DLG2: variants seen among roughly 807,000 people sequenced by gnomAD.
DLG2 encodes discs large MAGUK scaffold protein 2, also known as disks large homolog 2.
A neutral mutation model predicts 132.5 loss-of-function variants in DLG2; 45 were observed. That is an observed-to-expected ratio of 0.34 (90% CI 0.27 to 0.44). The LOEUF (loss-of-function observed/expected upper bound fraction) is 0.44. DLG2 is among the 20% of genes least tolerant of loss of function. DLG2 has a pLI of 1.00. For missense variants in DLG2, 1,045 were observed against 1,196.9 expected, an observed-to-expected ratio of 0.87 and a Z score of 1.87; for synonymous variants, 424 against 419.6, an observed-to-expected ratio of 1.01 and a Z score of -0.13.
At chr11:83,864,082 GAA>G (rs1382683191) in intron 16 of DLG2, among the ~76,000 whole-genome samples, 1 of 152,086 alleles carries the variant, frequency 6.6e-6, no homozygotes, top group East Asian at 1.9e-4. Flanking sequence ...GTGCTTAGGA[GAA>G]AAAAATTCCC....
intron 22 of DLG2, among the ~76,000 whole-genome samples, chr11:83,481,047 A>C (rs2093061440): frequency 6.6e-6 from 1 of 152,148 alleles, no homozygotes; most frequent in Non-Finnish European, 1.5e-5. Context: ...GAATCAGCTC[A>C]ATAGTTCCTT....
chr11:84,736,037 A>T (rs2063787493), intron 6 of DLG2, among the ~76,000 whole-genome samples: 1 of 152,080 alleles, frequency 6.6e-6, no homozygotes, highest in African/African-American at 2.4e-5. Context: ...GTAGTTTTAC[A>T]TTTTGAGCAA....
chr11:83,904,612 GC>G (rs2074267502), intron 15 of DLG2, among the ~76,000 whole-genome samples: 1 of 152,020 alleles, frequency 6.6e-6, no homozygotes, highest in South Asian at 2.1e-4. Context: ...ATAGTATACA[GC>G]CTTGAAAGAT....
chr11:84,273,193 G>A (rs767948001), intron 7 of DLG2: 61 of 1,570,174 alleles, frequency 3.9e-5, no homozygotes, highest in Middle Eastern at 1.7e-4. Flanking sequence ...ATTGTTTTAA[G>A]GAAGCAATAG....
intron 3 of DLG2, among the ~76,000 whole-genome samples, chr11:85,504,552 G>A (rs1344904040): frequency 2.0e-5 from 3 of 152,232 alleles, no homozygotes; most frequent in South Asian, 4.1e-4. Context: ...TGAGGACTCT[G>A]TTCTGTTCCA....
intron 19 of DLG2, among the ~76,000 whole-genome samples, chr11:83,555,858 A>G (rs749482909): frequency 4.6e-5 from 7 of 152,200 alleles, no homozygotes; most frequent in Non-Finnish European, 8.8e-5. Flanking sequence ...GACATCTCTA[A>G]ACCTGTTTCC....
At chr11:84,775,413 C>T (rs1354735649) in intron 6 of DLG2, among the ~76,000 whole-genome samples, 1 of 152,090 alleles carries the variant, frequency 6.6e-6, no homozygotes, top group African/African-American at 2.4e-5. Context: ...ACCCAGCAGT[C>T]GCATTAGTGG....
chr11:85,605,343 GA>G (rs545854785), intron 2 of DLG2, among the ~76,000 whole-genome samples: 49 of 138,712 alleles, frequency 3.5e-4, no homozygotes, highest in Non-Finnish European at 5.7e-4. Context: ...TATTTTTATG[GA>G]AAAAATAAAA....
rs980520716 is a variant in DLG2 at position 85,291,228 on chromosome 11, C to T, written c.41-5863G>A. On this transcript the variant is annotated intron_variant, in intron 3 of 27. Transcript: ENST00000376104. ...AAAATACGATTCTTAAATCATGAGG[C>T]TTTTTTCTTGTGTGACTCATGAGTT... Among the ~76,000 whole-genome samples, 3 of 152,198 alleles carry T rather than the reference C, an allele frequency of 2.0e-5. No individual in the cohort carries two copies. The East Asian group carries it at 5.8e-4, about 29-fold the overall frequency.
intron 6 of DLG2, among the ~76,000 whole-genome samples, chr11:84,799,171 C>T (rs927942042): frequency 2.0e-5 from 3 of 152,170 alleles, no homozygotes; most frequent in African/African-American, 7.2e-5. Context: ...GACTGCCTTT[C>T]AAGTTCATTT....
At chr11:84,154,430 C>T (rs6592167) in intron 9 of DLG2, among the ~76,000 whole-genome samples, 1 of 152,134 alleles carries the variant, frequency 6.6e-6, no homozygotes, top group Non-Finnish European at 1.5e-5. Context: ...TGCCAATACT[C>T]ACACCTGCTG....
At chr11:84,214,276 T>C (rs1469252913) in intron 8 of DLG2, among the ~76,000 whole-genome samples, 1 of 147,014 alleles carries the variant, frequency 6.8e-6, no homozygotes, top group Non-Finnish European at 1.5e-5. Context: ...TATATACACA[T>C]ATATGAATAT....
chr11:83,789,240 C>G (rs112041520), intron 17 of DLG2, among the ~76,000 whole-genome samples: 5 of 152,030 alleles, frequency 3.3e-5, no homozygotes, highest in Admixed American at 1.3e-4. Context: ...TCAGTGTATA[C>G]GTAAATTCTG....
At chr11:84,641,934 C>G (rs1261579338) in intron 6 of DLG2, among the ~76,000 whole-genome samples, 2 of 151,112 alleles carry the variant, frequency 1.3e-5, no homozygotes, top group South Asian at 2.1e-4. Flanking sequence ...TATACACACA[C>G]ACACATACAC....
intron 16 of DLG2, among the ~76,000 whole-genome samples, chr11:83,845,436 T>A (rs2058431171): frequency 6.6e-6 from 1 of 152,222 alleles, no homozygotes; most frequent in Non-Finnish European, 1.5e-5. Context: ...GTGTGCCTCA[T>A]ATTTAAATAG....
At chr11:85,195,785 C>A (rs2081019328) in intron 4 of DLG2, among the ~76,000 whole-genome samples, 1 of 152,086 alleles carries the variant, frequency 6.6e-6, no homozygotes, top group African/African-American at 2.4e-5. Flanking sequence ...CTCGGCCTCC[C>A]AAAGTGCTGG....
intron 18 of DLG2, among the ~76,000 whole-genome samples, chr11:83,677,296 C>T (rs934943455): frequency 3.3e-5 from 5 of 152,088 alleles, no homozygotes; most frequent in African/African-American, 1.2e-4. Context: ...CCAACTCTTC[C>T]AGGCAAAATA....
intron 11 of DLG2, among the ~76,000 whole-genome samples, chr11:84,005,628 TCAAA>T (rs1204933704): frequency 6.7e-6 from 1 of 148,238 alleles, no homozygotes; most frequent in African/African-American, 2.5e-5. Context: ...TACAAAGAAC[TCAAA>T]CAACTCAACA....
chr11:83,668,553 A>G (rs1162341313), intron 18 of DLG2, among the ~76,000 whole-genome samples: 1 of 152,024 alleles, frequency 6.6e-6, no homozygotes, highest in Non-Finnish European at 1.5e-5. Context: ...TTTTAACAGT[A>G]ATATAATTGT....
Sources: allele counts gnomAD v4.1 joint callset (sites outside exome capture counted in the v4.1 genomes callset), GRCh38; gene constraint gnomAD v4.1.1; transcripts MANE v1.5; gene names NCBI Gene and HGNC (gene_info 2026-07-23, HGNC 2026-07-21).